Variants in SLC14A2 observed in about 807,000 individuals in gnomAD.
SLC14A2 encodes the protein urea transporter 2.
SLC14A2 carries 91 observed loss-of-function variants against 104.6 expected under a neutral mutation model. The observed-to-expected ratio is 0.87, with a 90% CI of 0.73 to 1.04. The LOEUF is 1.04. Among genes scored for constraint, SLC14A2 ranks in the 50% least tolerant of loss-of-function variants. The pLI is 0.00. For synonymous variants in SLC14A2, 476 were observed against 466.4 expected (o/e 1.02, Z -0.27); for missense variants, 1,189 against 1,156.0 (o/e 1.03, Z -0.41).
intron 1 of SLC14A2, among the ~76,000 whole-genome samples, chr18:45,306,288 C>T (rs1039270683): frequency 1.3e-5 from 2 of 152,148 alleles, no homozygotes; most frequent in African/African-American, 4.8e-5. Flanking sequence ...AACTAAGGGC[C>T]ATAAAGGTAC....
chr18:45,623,262 C>T (rs2045204969), intron 1 of SLC14A2, among the ~76,000 whole-genome samples: 1 of 152,064 alleles, frequency 6.6e-6, no homozygotes, highest in Non-Finnish European at 1.5e-5. Flanking sequence ...AAATCAGTTG[C>T]TGAAAAGGGG....
intron 1 of SLC14A2, among the ~76,000 whole-genome samples, chr18:45,319,968 T>TA (rs1396002105): frequency 6.6e-6 from 1 of 152,218 alleles, no homozygotes; most frequent in African/African-American, 2.4e-5. Context: ...TTTGGTACTT[T>TA]AAAAAATTGA....
At chr18:45,200,259 A>G in the SLC14A2 span, among the ~76,000 whole-genome samples, 3 of 152,180 alleles carry the variant, frequency 2.0e-5, no homozygotes, top group Non-Finnish European at 4.4e-5. Flanking sequence ...AAGCTTGCCT[A>G]AGCCACAACC....
At chr18:45,633,136 A>C (rs1208048603) in intron 5 of SLC14A2, among the ~76,000 whole-genome samples, 1 of 152,208 alleles carries the variant, frequency 6.6e-6, no homozygotes, top group African/African-American at 2.4e-5. Flanking sequence ...GTATGGCTAC[A>C]TTTGCCATCA....
intron 1 of SLC14A2, among the ~76,000 whole-genome samples, chr18:45,464,592 C>T (rs2542996): frequency 1 from 151,697 of 152,320 alleles, 75,541 homozygotes; most frequent in Middle Eastern, 1. Context: ...CAGTGCTGTG[C>T]GTAATTTCGT....
chr18:45,424,457 G>A (rs766025903), intron 1 of SLC14A2, among the ~76,000 whole-genome samples: 7 of 152,198 alleles, frequency 4.6e-5, no homozygotes, highest in Non-Finnish European at 8.8e-5. Flanking sequence ...CACATGGTGT[G>A]GATGCCTGAA....
chr18:45,380,118 C>A (rs1199666923), intron 1 of SLC14A2, among the ~76,000 whole-genome samples: 2 of 152,226 alleles, frequency 1.3e-5, no homozygotes, highest in African/African-American at 4.8e-5. Context: ...CACCACAACA[C>A]TTTCTGGGCC....
At chr18:45,555,751 T>G (rs1249677358) in intron 2 of SLC14A2, among the ~76,000 whole-genome samples, 1 of 152,218 alleles carries the variant, frequency 6.6e-6, no homozygotes, top group Non-Finnish European at 1.5e-5. Flanking sequence ...TAATGTTCCC[T>G]CATGGAGACA....
At chr18:45,364,225 C>T (rs994183081) in intron 1 of SLC14A2, among the ~76,000 whole-genome samples, 1 of 152,216 alleles carries the variant, frequency 6.6e-6, no homozygotes, top group Non-Finnish European at 1.5e-5. Context: ...TCATAGATTA[C>T]ATCATATACT....
At chr18:45,563,408 A>C (rs997086262) in intron 2 of SLC14A2, among the ~76,000 whole-genome samples, 1 of 152,236 alleles carries the variant, frequency 6.6e-6, no homozygotes, top group Admixed American at 6.5e-5. Context: ...TTGAAGAAAA[A>C]GAAAAGAATT....
chr18:45,286,090 T>C (rs374868514), intron 1 of SLC14A2, among the ~76,000 whole-genome samples: 38 of 152,224 alleles, frequency 2.5e-4, no homozygotes, highest in African/African-American at 8.4e-4. Context: ...GGGAGCTGAA[T>C]ACTGATCTGA....
intron 1 of SLC14A2, among the ~76,000 whole-genome samples, chr18:45,461,216 A>C (rs2087039254): frequency 6.6e-6 from 1 of 152,220 alleles, no homozygotes; most frequent in South Asian, 2.1e-4. Flanking sequence ...AAACAGAGGT[A>C]AACCTAAGCC....
chr18:45,663,688 T>A (rs767059591), intron 10 of SLC14A2, 97 bp from the exon 11 acceptor site: 1 of 1,405,694 alleles, frequency 7.1e-7, no homozygotes, highest in Non-Finnish European at 9.8e-7. Context: ...TGCTCTCTCC[T>A]TTCCAGCATC....
intron 2 of SLC14A2, among the ~76,000 whole-genome samples, chr18:45,589,531 CCCT>C (rs200214659): frequency 0.032 from 4,943 of 152,208 alleles, 115 homozygotes; most frequent in South Asian, 0.051. Flanking sequence ...CTCCCCACTC[CCCT>C]TTTTTTATTT....
the SLC14A2 span, among the ~76,000 whole-genome samples, chr18:45,195,242 C>A: frequency 6.6e-6 from 1 of 152,156 alleles, no homozygotes; most frequent in African/African-American, 2.4e-5. Flanking sequence ...TTGGCCTTAG[C>A]CACAATCCAG....
intron 10 of SLC14A2, chr18:45,647,037 C>A (rs545652251): frequency 6.6e-6 from 1 of 152,322 alleles, no homozygotes; most frequent in East Asian, 1.9e-4. Context: ...CTTTTCCTAT[C>A]TCACCCATCT....
chr18:45,422,945 G>C (rs2144523870), intron 1 of SLC14A2, among the ~76,000 whole-genome samples: 1 of 152,188 alleles, frequency 6.6e-6, no homozygotes, highest in African/African-American at 2.4e-5. Flanking sequence ...GCTTCTTTTT[G>C]CTGTCCCCTC....
chr18:45,557,445 C>T (rs1247396638), intron 2 of SLC14A2, among the ~76,000 whole-genome samples: 1 of 152,234 alleles, frequency 6.6e-6, no homozygotes, highest in Non-Finnish European at 1.5e-5. Flanking sequence ...CATCCTGTCA[C>T]ACTGTAGGCT....
intron 10 of SLC14A2, among the ~76,000 whole-genome samples, chr18:45,648,824 G>GT (rs2045675171): frequency 6.6e-6 from 1 of 151,864 alleles, no homozygotes; most frequent in Non-Finnish European, 1.5e-5. Flanking sequence ...CGTTTTAGAA[G>GT]TTTGATCATG....
Sources: gnomAD v4.1 joint callset for allele counts (sites outside exome capture counted in the v4.1 genomes callset) on GRCh38, gnomAD v4.1.1 for gene constraint, MANE v1.5 for transcripts, NCBI Gene and HGNC (gene_info 2026-07-23, HGNC 2026-07-21) for gene names.